The following SEC11A variants were observed in gnomAD, a reference collection of about 807,000 sequenced individuals.
SEC11A encodes signal peptidase complex catalytic subunit SEC11A.
Under a neutral mutation model 25.6 loss-of-function variants are expected in SEC11A, and 14 were observed. The observed-to-expected ratio is 0.55, with a 90% CI of 0.36 to 0.85. SEC11A has a LOEUF of 0.85. Among genes scored for constraint, SEC11A ranks in the 40% least tolerant of loss-of-function variants. The probability of loss-of-function intolerance (pLI) is 0.01; values close to 1 mark genes in which losing one functional copy is unlikely to be tolerated. For missense variants in SEC11A, 153 were observed against 222.9 expected (o/e 0.69, Z 2.00); for synonymous variants, 83 against 76.4 (o/e 1.09, Z -0.45).
chr15:84,680,935 T>A (rs1897269411), intron 3 of SEC11A, 103 bp from the exon 4 acceptor site: 1 of 946,034 alleles, frequency 1.1e-6, no homozygotes, highest in East Asian at 2.5e-5. Context: ...CTGGGGTATC[T>A]TTTCACCATT....
chr15:84,711,638 T>C (rs1298150509), intron 1 of SEC11A, among the ~76,000 whole-genome samples: 2 of 151,828 alleles, frequency 1.3e-5, no homozygotes, highest in East Asian at 1.9e-4. Context: ...GCCAACATGG[T>C]GAAACCCCCA....
At chr15:84,682,000 G>C (rs946835047) in intron 3 of SEC11A, among the ~76,000 whole-genome samples, 5 of 152,070 alleles carry the variant, frequency 3.3e-5, no homozygotes, top group Admixed American at 6.6e-5. Context: ...TTGAGGCTGC[G>C]GTGAGCTGTG....
intron 4 of SEC11A, among the ~76,000 whole-genome samples, chr15:84,676,133 A>C (rs1210274069): frequency 6.6e-6 from 1 of 152,212 alleles, no homozygotes; most frequent in Non-Finnish European, 1.5e-5. Context: ...GTACTCTTTA[A>C]GATGGTGAAT....
intron 1 of SEC11A, among the ~76,000 whole-genome samples, chr15:84,709,163 C>CGT (rs1266034835): frequency 6.6e-6 from 1 of 151,932 alleles, no homozygotes; most frequent in African/African-American, 2.4e-5. Flanking sequence ...AATAATTTGG[C>CGT]ATAACATACT....
chr15:84,682,439 G>GT (rs976192275), intron 3 of SEC11A, among the ~76,000 whole-genome samples: 3 of 151,800 alleles, frequency 2.0e-5, no homozygotes, highest in African/African-American at 7.3e-5. Flanking sequence ...ACAGTATTTT[G>GT]TTTTTTTGTT....
Position 84,679,144 on chromosome 15 carries a change from C to A in SEC11A, c.431+1569G>T, listed in dbSNP as rs1213147832. 9 of 444,280 alleles carry A rather than the reference C, an allele frequency of 2.0e-5. No individual in the cohort carries two copies. In the East Asian group the frequency reaches 4.6e-4, roughly 23 times the overall value. The allele number at this position is 444,280 out of a possible 1,614,324, so 27.5% of individuals were successfully genotyped here. On this transcript the variant is annotated intron_variant, in intron 4 of 5. Transcript: ENST00000268220. ...TTTGCTTTTTGATTATTGATATTTT[C>A]TTATGTTTCTACATGAATCTGTACA...
chr15:84,697,511 A>T (rs1286660607), intron 1 of SEC11A, among the ~76,000 whole-genome samples: 1 of 152,204 alleles, frequency 6.6e-6, no homozygotes, highest in African/African-American at 2.4e-5. Context: ...ACCTATTTGT[A>T]TACTGCTAAG....
intron 1 of SEC11A, among the ~76,000 whole-genome samples, chr15:84,708,924 G>T (rs960709027): frequency 6.6e-6 from 1 of 152,076 alleles, no homozygotes; most frequent in Non-Finnish European, 1.5e-5. Context: ...AAGTCTCAAG[G>T]ACTTTACATT....
Position 84,691,777 on chromosome 15 carries a change from A to G in SEC11A, c.52-133T>C, listed in dbSNP as rs541616299. Reference sequence around the variant, plus strand: ...ACAGTTCTGAGACATTCTTTAATACATTATAATAATTATGCCATCAGCAGA... The same window carrying G: ...ACAGTTCTGAGACATTCTTTAATACGTTATAATAATTATGCCATCAGCAGA... On this transcript the variant is annotated intron_variant, in intron 1 of 5. Transcript: ENST00000268220. 4 of 527,826 alleles carry G rather than the reference A, an allele frequency of 7.6e-6. No homozygotes were observed. In the South Asian group the frequency reaches 8.7e-5, roughly 11 times the overall value. 32.7% of individuals were successfully genotyped at this position (527,826 alleles called of 1,614,324 possible). A position where few individuals can be genotyped will look rare whatever the true frequency, so the allele number is the denominator to read the frequency against.
intron 5 of SEC11A, 37 bp from the exon 6 acceptor site, chr15:84,670,106 G>A (rs372725854): frequency 4.2e-5 from 67 of 1,602,660 alleles, no homozygotes; most frequent in African/African-American, 3.8e-4. Context: ...TCAGAGAAGC[G>A]TTGAAAAGTT....
chr15:84,702,203 G>A (rs1209127049), intron 1 of SEC11A, among the ~76,000 whole-genome samples: 1 of 151,972 alleles, frequency 6.6e-6, no homozygotes, highest in East Asian at 1.9e-4. Context: ...GCTCACACCT[G>A]TAATCCCAGC....
chr15:84,710,864 G>C (rs1208325069), intron 1 of SEC11A, among the ~76,000 whole-genome samples: 1 of 151,962 alleles, frequency 6.6e-6, no homozygotes, highest in East Asian at 1.9e-4. Flanking sequence ...ACGAGGTCAG[G>C]AGATCAAGAC....
intron 1 of SEC11A, among the ~76,000 whole-genome samples, chr15:84,711,656 TA>T (rs1898271249): frequency 6.6e-6 from 1 of 150,960 alleles, no homozygotes; most frequent in South Asian, 2.1e-4. Flanking sequence ...CCATCTCTAC[TA>T]AAAATACAAA....
At chr15:84,699,011 A>C (rs1028043716) in intron 1 of SEC11A, among the ~76,000 whole-genome samples, 3 of 152,176 alleles carry the variant, frequency 2.0e-5, no homozygotes, top group Non-Finnish European at 4.4e-5. Flanking sequence ...AACATAGGTG[A>C]ATTTCCAAAA....
chr15:84,703,199 C>T (rs983700515), intron 1 of SEC11A, among the ~76,000 whole-genome samples: 5 of 152,176 alleles, frequency 3.3e-5, no homozygotes, highest in African/African-American at 9.7e-5. Flanking sequence ...TAGAGACTAA[C>T]AACTTGACCA....
chr15:84,695,248 A>C (rs1897734240), intron 1 of SEC11A, among the ~76,000 whole-genome samples: 1 of 151,876 alleles, frequency 6.6e-6, no homozygotes, highest in Non-Finnish European at 1.5e-5. Context: ...AGATCACCTG[A>C]GGTTGGGAGT....
At chr15:84,670,282 T>C in intron 5 of SEC11A, 1 of 382,700 alleles carries the variant, frequency 2.6e-6, no homozygotes, top group South Asian at 3.2e-5. Flanking sequence ...TTTGAGACAG[T>C]CTCACTTTGT....
chr15:84,691,236 G>A (rs936291607), intron 2 of SEC11A, among the ~76,000 whole-genome samples: 6 of 151,630 alleles, frequency 4.0e-5, no homozygotes, highest in South Asian at 2.1e-4. Flanking sequence ...CACCACACCC[G>A]CTAATTTTTG....
chr15:84,689,512 C>A (rs1036295224), intron 2 of SEC11A, among the ~76,000 whole-genome samples: 1 of 151,656 alleles, frequency 6.6e-6, no homozygotes, highest in African/African-American at 2.4e-5. Flanking sequence ...TTAATAATTC[C>A]ATTTATTTTA....
Sources: gnomAD v4.1 joint callset for allele counts (sites outside exome capture counted in the v4.1 genomes callset) on GRCh38, gnomAD v4.1.1 for gene constraint, MANE v1.5 for transcripts, NCBI Gene and HGNC (gene_info 2026-07-23, HGNC 2026-07-21) for gene names.